The following KIF3C variants were observed in gnomAD, a reference collection of about 807,000 sequenced individuals.
The protein encoded by KIF3C is kinesin-like protein KIF3C.
In KIF3C, 12 loss-of-function variants were observed where a neutral mutation model predicts 67.7. The observed-to-expected ratio is 0.18, with a 90% CI of 0.11 to 0.29. The LOEUF (loss-of-function observed/expected upper bound fraction) is 0.29. KIF3C is among the 10% of genes least tolerant of loss of function. The probability of loss-of-function intolerance (pLI) is 1.00; values close to 1 mark genes in which losing one functional copy is unlikely to be tolerated. For synonymous variants in KIF3C, 393 were observed against 426.2 expected (o/e 0.92, Z 0.96); for missense variants, 789 against 1,059.6 (o/e 0.74, Z 3.55).
chr2:25,977,258 G>C (rs1400046093), intron 1 of KIF3C, among the ~76,000 whole-genome samples: 1 of 152,144 alleles, frequency 6.6e-6, no homozygotes, highest in Admixed American at 6.5e-5. Context: ...GAGGTGGCAG[G>C]CAGGGAGAGC....
chr2:25,933,027 G>C (rs2090475332), intron 5 of KIF3C, among the ~76,000 whole-genome samples: 1 of 152,128 alleles, frequency 6.6e-6, no homozygotes, highest in African/African-American at 2.4e-5. Flanking sequence ...AAGGCAGGTG[G>C]ACTGCCTGAG....
intron 1 of KIF3C, among the ~76,000 whole-genome samples, chr2:25,971,061 A>C (rs537045528): frequency 6.6e-6 from 1 of 151,872 alleles, no homozygotes; most frequent in East Asian, 1.9e-4. Context: ...TCACAAGGTC[A>C]GGAGATGGAG....
intron 1 of KIF3C, among the ~76,000 whole-genome samples, chr2:25,961,850 C>T (rs1460496312): frequency 2.0e-5 from 3 of 150,826 alleles, no homozygotes; most frequent in Non-Finnish European, 4.4e-5. Context: ...TTTGGGAGGC[C>T]GAGGCAGGAG....
In KIF3C at chr2:25,975,026, C is replaced by CAAAAAAAAAAAAAAA. The variant is rs1196962529; in HGVS notation, c.1545+5346_1545+5347insTTTTTTTTTTTTTTT. ...GGGCAACAAAAGTGAAACTCCATCT[C>CAAAAAAAAAAAAAAA]AAAAAAAAAAAAAATGAGACCCAAT... On this transcript the variant is annotated intron_variant, in intron 1 of 7. Coordinates refer to ENST00000264712, the MANE Select transcript of KIF3C (RefSeq NM_002254.8). 1.0e-3 allele frequency among the ~76,000 whole-genome samples: 120 copies of CAAAAAAAAAAAAAAA among 116,422 alleles called. 4 individuals carry two copies. The highest frequency in any genetic ancestry group is 2.5e-3 in the African/African-American group (69 of 27,378). 76.4% of individuals were successfully genotyped at this position (116,422 alleles called of 152,430 possible). A position where few individuals can be genotyped will look rare whatever the true frequency, so the allele number is the denominator to read the frequency against.
chr2:25,981,338 C>T lies in KIF3C; in HGVS notation c.580G>A (p.Val194Met). The change falls in exon 1 of 8, where the codon GTG becomes ATG. Residue 194 changes from valine (V) to methionine (M), a missense_variant. Physicochemically the swap from Val to Met is conservative, Grantham distance 21 (BLOSUM62 1). This residue lies in a region of KIF3C where 648 missense variants were observed against 807.8 expected (regional missense o/e 0.80). Coordinates refer to ENST00000264712, the MANE Select transcript of KIF3C (RefSeq NM_002254.8). The surrounding 1 kb of genome is among the most constrained non-coding windows in gnomAD (Gnocchi z 8.2). ...CGGGTCTGGTTCCCCAGGTTCATCA[C>T]ATGCTCAATCTCCTTGACATTCTTG... ...VTKNVKEIEH[V>M]MNLGNQTRAV... 1 of 1,614,184 alleles carries T rather than the reference C, an allele frequency of 6.2e-7. No individual in the cohort carries two copies. The highest frequency in any genetic ancestry group is 1.1e-5 in the South Asian group (1 of 91,082).
Position 25,981,695 on chromosome 2 carries a change from C to A in KIF3C, c.223G>T (p.Asp75Tyr). The A allele has an allele frequency of 1.2e-6, 2 of 1,613,960 alleles. No individual in the cohort carries two copies. Among genetic ancestry groups the A allele is most frequent in the Non-Finnish European group, 1.7e-6 (2 of 1,179,936 alleles). ...DASSKQADLY[D>Y]ETVRPLIDSV... ...TCTATCAGGGGCCTCACGGTTTCGTCATACAGGTCGGCCTGCTTGGAGCTG... is the reference window on the plus strand; with the variant it reads ...TCTATCAGGGGCCTCACGGTTTCGTAATACAGGTCGGCCTGCTTGGAGCTG... The change falls in exon 1 of 8, where the codon GAC becomes TAC. Residue 75 changes from aspartate (D) to tyrosine (Y), a missense_variant. Coordinates refer to ENST00000264712, the MANE Select transcript of KIF3C (RefSeq NM_002254.8). This position sits in a 1 kb window ranked among gnomAD's most constrained non-coding sequence, Gnocchi z 8.2.
chr2:25,929,647 ACT>A (rs2149220303), intron 6 of KIF3C, among the ~76,000 whole-genome samples, 170 bp from the exon 7 acceptor site: 1 of 146,740 alleles, frequency 6.8e-6, no homozygotes, highest in Non-Finnish European at 1.5e-5. Flanking sequence ...ATGGAGTCTC[ACT>A]CTGTTGCCCA....
Position 25,953,903 on chromosome 2 carries a change from G to C in KIF3C, c.1889+364C>G, listed in dbSNP as rs779464630. The stretch of plus-strand genomic sequence containing the variant: ...GGCTGGTCTCAAACTCCTGACCTCA[G>C]GTGATCCACCTGCCTCGGCTCCCAA... On this transcript the variant is annotated intron_variant, in intron 4 of 7. Coordinates refer to ENST00000264712, the MANE Select transcript of KIF3C (RefSeq NM_002254.8). 5.6e-5 allele frequency among the ~76,000 whole-genome samples: 8 copies of C among 143,488 alleles called. 1 individual carries two copies. Among genetic ancestry groups the C allele is most frequent in the Admixed American group, 5.6e-4 (8 of 14,394 alleles). 94.1% of individuals were successfully genotyped at this position (143,488 alleles called of 152,430 possible). A position where few individuals can be genotyped will look rare whatever the true frequency, so the allele number is the denominator to read the frequency against.
intron 1 of KIF3C, among the ~76,000 whole-genome samples, chr2:25,976,266 CA>C (rs571816098): frequency 4.3e-4 from 66 of 152,306 alleles, no homozygotes; most frequent in Non-Finnish European, 7.2e-4. Flanking sequence ...CTCTTTTCTA[CA>C]TTCACCACAG....
Position 25,981,674 on chromosome 2 carries a change from T to C in KIF3C, c.244A>G (p.Ile82Val), listed in dbSNP as rs1182591529. The C allele has an allele frequency of 1.2e-6, 2 of 1,613,960 alleles. No individual in the cohort carries two copies. The highest frequency in any genetic ancestry group is 2.7e-5 in the African/African-American group (2 of 74,920). Reference sequence around the variant, plus strand: ...TTGAAACCCTGGAGCACGGAGTCTATCAGGGGCCTCACGGTTTCGTCATAC... The same window carrying C: ...TTGAAACCCTGGAGCACGGAGTCTACCAGGGGCCTCACGGTTTCGTCATAC... Reference protein sequence around the residue: ...DLYDETVRPLIDSVLQGFNGT... With the variant: ...DLYDETVRPLVDSVLQGFNGT... Residue 82 changes from isoleucine to valine, a missense_variant, in exon 1 of 8, where the codon ATA becomes GTA. This residue lies in a region of KIF3C where 141 missense variants were observed against 251.8 expected (regional missense o/e 0.56). Transcript: ENST00000264712. This position sits in a 1 kb window ranked among gnomAD's most constrained non-coding sequence, Gnocchi z 8.2.
At position 25,951,792 on chromosome 2, in the gene KIF3C, C is replaced by A. The variant is rs1417890166; in HGVS notation, c.2003G>T (p.Gly668Val). The change falls in exon 5 of 8, where the codon GGC becomes GTC. Residue 668 changes from glycine to valine, a missense_variant. By Grantham distance (109) the Gly-to-Val change is moderately radical. This residue lies in a region of KIF3C where 648 missense variants were observed against 807.8 expected (regional missense o/e 0.80). Transcript: ENST00000264712. ...GACAGCTGGGTTAGAGACTCACACG[C>A]CGGCTGGCACCAGTGGCTGGAACTT... is the stretch of plus-strand genomic sequence containing the variant. ...QWKFQPLVPA[G>V]VSSSQMKKRP... 4 of 1,611,268 alleles carry A rather than the reference C, an allele frequency of 2.5e-6. No homozygotes were observed. Among genetic ancestry groups the A allele is most frequent in the South Asian group, 1.1e-5 (1 of 91,010 alleles).
At chr2:25,971,492 C>A (rs1289464033) in intron 1 of KIF3C, among the ~76,000 whole-genome samples, 1 of 151,760 alleles carries the variant, frequency 6.6e-6, no homozygotes, top group Admixed American at 6.6e-5. Context: ...GCCTGGGACT[C>A]TTCTGTTGAG....
In KIF3C at chr2:25,981,606, G is replaced by A; in HGVS notation, c.312C>T (p.Thr104=). ...FAYGQTGTGK[T]YTMQGTWVEP... Reference sequence around the variant, plus strand: ...CCACCCAGGTCCCCTGCATGGTATAGGTCTTGCCAGTGCCCGTCTGGCCAT... The same window carrying A: ...CCACCCAGGTCCCCTGCATGGTATAAGTCTTGCCAGTGCCCGTCTGGCCAT... The change falls in exon 1 of 8, where the codon ACC becomes ACT. Residue 104 remains threonine, a synonymous_variant. Coordinates refer to ENST00000264712, the MANE Select transcript of KIF3C (RefSeq NM_002254.8). This position sits in a 1 kb window ranked among gnomAD's most constrained non-coding sequence, Gnocchi z 8.2. 6.2e-7 allele frequency: 1 copy of A among 1,614,216 alleles called. No homozygotes were observed. Among genetic ancestry groups the A allele is most frequent in the Non-Finnish European group, 8.5e-7 (1 of 1,180,052 alleles).
chr2:25,979,558 T>C (rs1664509924), intron 1 of KIF3C, among the ~76,000 whole-genome samples: 1 of 152,178 alleles, frequency 6.6e-6, no homozygotes, highest in Admixed American at 6.5e-5. Flanking sequence ...CAATGAGCTG[T>C]AGAATGGCTA....
At chr2:25,971,043 C>G (rs191597424) in intron 1 of KIF3C, among the ~76,000 whole-genome samples, 1 of 150,366 alleles carries the variant, frequency 6.7e-6, no homozygotes, top group Non-Finnish European at 1.5e-5. Flanking sequence ...GAGGCCGAGG[C>G]GGGCGGATCA....
chr2:25,952,951 G>C (rs1039422675), intron 4 of KIF3C, among the ~76,000 whole-genome samples: 1 of 152,102 alleles, frequency 6.6e-6, no homozygotes, highest in Non-Finnish European at 1.5e-5. Flanking sequence ...GATGTGCTTA[G>C]TTCACATTGC....
intron 1 of KIF3C, among the ~76,000 whole-genome samples, chr2:25,973,553 C>CAA (rs5829988): frequency 3.4e-4 from 36 of 106,840 alleles, no homozygotes; most frequent in Non-Finnish European, 1.4e-4. Flanking sequence ...GACTCTGTCT[C>CAA]AAAAAAAAAA....
Position 25,981,012 on chromosome 2 carries a change from G to T in KIF3C, c.906C>A (p.Asn302Lys), listed in dbSNP as rs968735419. The stretch of plus-strand genomic sequence containing the variant: ...TGTTGCCCGCCAGGGCAGCAATCAC[G>T]TTGCCCAGGGCAGATAATGAGAGGT... Reference protein sequence around the residue: ...KINLSLSALGNVIAALAGNRS... With the variant: ...KINLSLSALGKVIAALAGNRS... The change falls in exon 1 of 8, where the codon AAC becomes AAA. Residue 302 changes from asparagine (N) to lysine (K), a missense_variant. This residue lies in a region of KIF3C where 648 missense variants were observed against 807.8 expected (regional missense o/e 0.80). Transcript: ENST00000264712. This position sits in a 1 kb window ranked among gnomAD's most constrained non-coding sequence, Gnocchi z 8.2. The T allele has an allele frequency of 6.2e-7, 1 of 1,614,204 alleles. No individual in the cohort carries two copies.
chr2:25,971,898 T>TTTTTTTTTTTTTTTTTTTTTG (rs1664294431), intron 1 of KIF3C, among the ~76,000 whole-genome samples: 1 of 146,122 alleles, frequency 6.8e-6, no homozygotes, highest in African/African-American at 2.5e-5. Context: ...TTTTTTTTTT[T>TTTTTTTTTTTTTTTTTTTTTG]TACTTTTTTG....
Sources: gnomAD v4.1 joint callset for allele counts (sites outside exome capture counted in the v4.1 genomes callset) on GRCh38, gnomAD v4.1.1 for gene constraint, gnomAD v4.1.1 regional missense constraint, Gnocchi (gnomAD v3.1) non-coding constraint, MANE v1.5 for transcripts, NCBI Gene and HGNC (gene_info 2026-07-23, HGNC 2026-07-21) for gene names.